The following MEI1 variants were observed in gnomAD, a reference collection of about 807,000 sequenced individuals.
The protein encoded by MEI1 is meiotic double-stranded break formation protein 1, also known as meiosis inhibitor protein 1.
A neutral mutation model predicts 146.2 loss-of-function variants in MEI1; 103 were observed. The ratio of observed to expected loss-of-function variants is 0.70; its 90% CI spans 0.60 to 0.83. The LOEUF (loss-of-function observed/expected upper bound fraction) is 0.83. Among genes scored for constraint, MEI1 ranks in the 40% least tolerant of loss-of-function variants. MEI1 has a pLI of 0.00. For synonymous variants in MEI1, 652 were observed against 628.2 expected, an observed-to-expected ratio of 1.04 and a Z score of -0.57; for missense variants, 1,529 against 1,533.0, an observed-to-expected ratio of 1.00 and a Z score of 0.04.
intron 19 of MEI1, among the ~76,000 whole-genome samples, chr22:41,768,315 G>A (rs546982349): frequency 7.9e-5 from 12 of 152,020 alleles, no homozygotes; most frequent in Admixed American, 1.3e-4. Context: ...CCTGGAGGCG[G>A]AGGTTGCAGT....
chr22:41,704,334 T>G (rs1386638130), intron 2 of MEI1, among the ~76,000 whole-genome samples: 1 of 151,986 alleles, frequency 6.6e-6, no homozygotes, highest in African/African-American at 2.4e-5. Flanking sequence ...GTGACAGAAC[T>G]AGAATTTTAT....
In MEI1 at chr22:41,754,349, G is replaced by A. The variant is rs149705934; in HGVS notation, c.1951+303G>A. 3.4e-3 allele frequency among the ~76,000 whole-genome samples: 511 copies of A among 152,232 alleles called. 2 individuals are homozygous for A. The highest frequency in any genetic ancestry group is 5.3e-3 in the Non-Finnish European group (360 of 68,004). ...AACATCCCCATACCATAGGCCTCAG[G>A]AGTCCAGTGTTCACTATAGCATTAA... On this transcript the variant is annotated intron_variant, in intron 17 of 30. Coordinates refer to ENST00000401548, the MANE Select transcript of MEI1 (RefSeq NM_152513.4).
At chr22:41,784,849 C>T (rs755580714) in intron 26 of MEI1, 66 bp downstream of exon 26, 14 of 1,374,578 alleles carry the variant, frequency 1.0e-5, no homozygotes, top group Admixed American at 5.2e-5. Flanking sequence ...GGCTGCCTGT[C>T]GAGAGCCTGA....
chr22:41,784,802 G>A lies in MEI1; in HGVS notation c.3345+19G>A, dbSNP rs1337101922. On this transcript the variant is annotated intron_variant, in intron 26 of 30. Coordinates refer to ENST00000401548, the MANE Select transcript of MEI1 (RefSeq NM_152513.4). ...GGTGCAGGTAAGGCCCTTGCTGAGT[G>A]GGGCTTGCTTCTCCCAGGACAACAG... 5 of 1,567,752 alleles carry A rather than the reference G, an allele frequency of 3.2e-6. No homozygotes were observed. Among genetic ancestry groups the A allele is most frequent in the Non-Finnish European group, 4.3e-6 (5 of 1,153,194 alleles).
intron 11 of MEI1, among the ~76,000 whole-genome samples, chr22:41,740,491 C>T (rs1470550999): frequency 6.6e-6 from 1 of 151,968 alleles, no homozygotes; most frequent in East Asian, 1.9e-4. Flanking sequence ...CCTGTAATCC[C>T]AGCACTTTGG....
intron 3 of MEI1, among the ~76,000 whole-genome samples, chr22:41,710,086 G>A (rs1193918937): frequency 1.3e-5 from 2 of 151,936 alleles, no homozygotes; most frequent in Non-Finnish European, 2.9e-5. Flanking sequence ...GAGGCAATTA[G>A]GATGGACCCT....
chr22:41,702,797 C>T (rs1463946725), intron 1 of MEI1, among the ~76,000 whole-genome samples: 1 of 150,910 alleles, frequency 6.6e-6, no homozygotes, highest in Admixed American at 6.6e-5. Context: ...TTGCTCTTGT[C>T]CCCCAGGCTG....
chr22:41,790,662 G>A (rs922427461), intron 26 of MEI1, among the ~76,000 whole-genome samples: 2 of 151,380 alleles, frequency 1.3e-5, no homozygotes, highest in African/African-American at 4.9e-5. Context: ...GCGCGATCTC[G>A]GCTCACTTAC....
At chr22:41,735,063 G>T (rs927319634) in intron 11 of MEI1, among the ~76,000 whole-genome samples, 1 of 151,572 alleles carries the variant, frequency 6.6e-6, no homozygotes, top group South Asian at 2.1e-4. Context: ...CCAGGTTCAC[G>T]CCATTCTCCT....
intron 5 of MEI1, 111 bp from the exon 6 acceptor site, chr22:41,717,960 G>A (rs2070367365): frequency 3.4e-6 from 3 of 893,444 alleles, no homozygotes; most frequent in Admixed American, 5.9e-5. Context: ...TTTTTTGTGG[G>A]GGATTATAGG....
intron 20 of MEI1, among the ~76,000 whole-genome samples, chr22:41,775,120 G>A (rs538815570): frequency 6.6e-6 from 1 of 152,232 alleles, no homozygotes; most frequent in Non-Finnish European, 1.5e-5. Flanking sequence ...CAGTAGGGTA[G>A]CCTCTGGTGC....
At chr22:41,740,787 C>G (rs1361764521) in intron 11 of MEI1, among the ~76,000 whole-genome samples, 1 of 152,076 alleles carries the variant, frequency 6.6e-6, no homozygotes, top group African/African-American at 2.4e-5. Flanking sequence ...GGAACTAGGG[C>G]TTGATGATCG....
At chr22:41,793,962 C>A (rs769050466) in intron 27 of MEI1, 52 bp downstream of exon 27, 45 of 1,485,692 alleles carry the variant, frequency 3.0e-5, no homozygotes, top group Non-Finnish European at 3.8e-5. Flanking sequence ...TTAGAGGGAG[C>A]AACACCCTTC....
At chr22:41,704,588 A>G (rs545172259) in intron 2 of MEI1, among the ~76,000 whole-genome samples, 1 of 149,230 alleles carries the variant, frequency 6.7e-6, no homozygotes, top group East Asian at 2.0e-4. Context: ...CAATTTTTGC[A>G]TTTTTAGTAG....
intron 6 of MEI1, among the ~76,000 whole-genome samples, chr22:41,723,355 G>A (rs542059609): frequency 5.9e-5 from 9 of 152,232 alleles, no homozygotes; most frequent in South Asian, 2.1e-4. Context: ...TGGGACTACA[G>A]GCACATGCCT....
At chr22:41,715,578 G>T (rs2070065770) in intron 4 of MEI1, among the ~76,000 whole-genome samples, 1 of 151,856 alleles carries the variant, frequency 6.6e-6, no homozygotes, top group Admixed American at 6.6e-5. Context: ...TGTACTTTTA[G>T]TAGAGACGGG....
rs761729040 is a variant in MEI1, at chr22:41,714,090, A to G, written c.423+15A>G. On this transcript the variant is annotated intron_variant, in intron 4 of 30. Coordinates refer to ENST00000401548, the MANE Select transcript of MEI1 (RefSeq NM_152513.4). ...GCCACAAAGAGGTCAGAAAATAGCTATGGGTTCTTGAGTCTCTCAGAATCC... is the reference window on the plus strand; with the variant it reads ...GCCACAAAGAGGTCAGAAAATAGCTGTGGGTTCTTGAGTCTCTCAGAATCC... 12 of 1,585,686 alleles carry G rather than the reference A, an allele frequency of 7.6e-6. No individual in the cohort carries two copies. Among genetic ancestry groups the G allele is most frequent in the Non-Finnish European group, 8.6e-6 (10 of 1,165,014 alleles).
At position 41,703,395 on chromosome 22, in the gene MEI1, T is replaced by C; in HGVS notation, c.239T>C (p.Val80Ala). 6.2e-7 allele frequency: 1 copy of C among 1,610,618 alleles called. No homozygotes were observed. The highest frequency in any genetic ancestry group is 8.5e-7 in the Non-Finnish European group (1 of 1,178,398). Reference protein sequence around the residue: ...QDALVRHTSLVTQLVSQDQRV... With the variant: ...QDALVRHTSLATQLVSQDQRV... ...GCCCTTGTGAGGCATACCTCCCTGG[T>C]CACGCAACTGGTGTCTCAGGATCAG... Residue 80 changes from valine to alanine, a missense_variant, in exon 2 of 31, where the codon GTC becomes GCC. Coordinates refer to ENST00000401548, the MANE Select transcript of MEI1 (RefSeq NM_152513.4).
At chr22:41,788,285 T>C in intron 26 of MEI1, among the ~76,000 whole-genome samples, 1 of 151,984 alleles carries the variant, frequency 6.6e-6, no homozygotes, top group East Asian at 1.9e-4. Flanking sequence ...TGCCTCGGCA[T>C]CCCAAAGTGC....
Sources: gnomAD v4.1 joint callset for allele counts (sites outside exome capture counted in the v4.1 genomes callset) on GRCh38, gnomAD v4.1.1 for gene constraint, MANE v1.5 for transcripts, NCBI Gene and HGNC (gene_info 2026-07-23, HGNC 2026-07-21) for gene names.